The following ARHGAP42 variants were observed in gnomAD, a reference collection of about 807,000 sequenced individuals.
The protein encoded by ARHGAP42 is Rho GTPase activating protein 42.
ARHGAP42 carries 63 observed loss-of-function variants against 125.0 expected under a neutral mutation model. The observed-to-expected ratio is 0.50, with a 90% CI of 0.41 to 0.62. The LOEUF (loss-of-function observed/expected upper bound fraction) is 0.62. Ranked by LOEUF, ARHGAP42 falls within the 20% of genes least tolerant of loss-of-function variation. The pLI, the probability that ARHGAP42 is intolerant of heterozygous loss-of-function variation, is 0.00. For synonymous variants in ARHGAP42, 339 were observed against 351.0 expected (o/e 0.97, Z 0.38); for missense variants, 766 against 1,024.2 (o/e 0.75, Z 3.44).
intron 6 of ARHGAP42, among the ~76,000 whole-genome samples, chr11:100,922,565 C>G (rs1867309181): frequency 6.6e-6 from 1 of 152,058 alleles, no homozygotes; most frequent in South Asian, 2.1e-4. Flanking sequence ...CTAATCTAAG[C>G]CATTCTTTTC....
At chr11:100,860,502 T>C (rs1406409797) in intron 4 of ARHGAP42, among the ~76,000 whole-genome samples, 1 of 152,096 alleles carries the variant, frequency 6.6e-6, no homozygotes, top group Non-Finnish European at 1.5e-5. Flanking sequence ...TTCCACAACT[T>C]GGAATTTTGA....
intron 3 of ARHGAP42, among the ~76,000 whole-genome samples, chr11:100,819,927 C>T (rs1291770171): frequency 6.6e-6 from 1 of 152,128 alleles, no homozygotes; most frequent in Non-Finnish European, 1.5e-5. Flanking sequence ...ATTTCTTTTT[C>T]ATCATTGGCA....
chr11:100,962,651 C>T (rs1375399202), intron 16 of ARHGAP42, among the ~76,000 whole-genome samples, 184 bp downstream of exon 16: 2 of 151,976 alleles, frequency 1.3e-5, no homozygotes, highest in Non-Finnish European at 2.9e-5. Flanking sequence ...CCAAGGCTGG[C>T]GGATCACCTG....
At chr11:100,802,002 G>T (rs945836185) in intron 3 of ARHGAP42, among the ~76,000 whole-genome samples, 4 of 152,156 alleles carry the variant, frequency 2.6e-5, no homozygotes, top group Admixed American at 2.0e-4. Flanking sequence ...ATAAAATGCA[G>T]CACTTAAATG....
rs188336383 is a variant in ARHGAP42, at chr11:100,814,312, G to A, written c.312+19146G>A. 9.7e-3 allele frequency among the ~76,000 whole-genome samples: 1,434 copies of A among 147,574 alleles called. 11 individuals carry two copies. Among genetic ancestry groups the A allele is most frequent in the Non-Finnish European group, 0.016 (1,084 of 67,458 alleles). On this transcript the variant is annotated intron_variant, in intron 3 of 23. Coordinates refer to ENST00000298815, the MANE Select transcript of ARHGAP42 (RefSeq NM_152432.4). ...GCAGAGGTTGCAGTGAGCCAAGATC[G>A]AGATCACACCACTGCACTCCAACCT...
At chr11:100,957,568 A>G (rs1043566515) in intron 12 of ARHGAP42, among the ~76,000 whole-genome samples, 1 of 152,146 alleles carries the variant, frequency 6.6e-6, no homozygotes, top group African/African-American at 2.4e-5. Flanking sequence ...CTACTCTTTC[A>G]GTCAAAGCAA....
intron 1 of ARHGAP42, among the ~76,000 whole-genome samples, chr11:100,737,056 C>G (rs1349068218): frequency 6.6e-6 from 1 of 152,064 alleles, no homozygotes; most frequent in African/African-American, 2.4e-5. Context: ...GATAACTATT[C>G]TATGTTAAAA....
intron 4 of ARHGAP42, among the ~76,000 whole-genome samples, chr11:100,871,780 G>A (rs971121761): frequency 6.6e-6 from 1 of 152,108 alleles, no homozygotes; most frequent in East Asian, 1.9e-4. Context: ...TTTCACTCTT[G>A]TTGCCCAGGC....
At chr11:100,690,105 A>G (rs1353828538) in intron 1 of ARHGAP42, among the ~76,000 whole-genome samples, 1 of 152,166 alleles carries the variant, frequency 6.6e-6, no homozygotes, top group Admixed American at 6.5e-5. Context: ...TCCCTGTACC[A>G]TAAGTCTGCC....
intron 4 of ARHGAP42, among the ~76,000 whole-genome samples, chr11:100,870,209 G>A (rs590834): frequency 0.84 from 127,712 of 152,162 alleles, 54,038 homozygotes; most frequent in East Asian, 0.96. Flanking sequence ...TAAATCTGGA[G>A]GAGGGAGAAA....
intron 4 of ARHGAP42, among the ~76,000 whole-genome samples, chr11:100,880,796 G>A (rs113787830): frequency 0.012 from 1,825 of 152,248 alleles, 42 homozygotes; most frequent in African/African-American, 0.041. Flanking sequence ...ATTCTTGCAG[G>A]AGCAAAGTGA....
intron 1 of ARHGAP42, among the ~76,000 whole-genome samples, chr11:100,703,401 A>G (rs1388384838): frequency 6.6e-6 from 1 of 151,866 alleles, no homozygotes; most frequent in African/African-American, 2.4e-5. Flanking sequence ...TTTTTTTTTC[A>G]CTTGCTCTTG....
At chr11:100,868,899 C>G (rs563630323) in intron 4 of ARHGAP42, among the ~76,000 whole-genome samples, 219 of 152,206 alleles carry the variant, frequency 1.4e-3, no homozygotes, top group Non-Finnish European at 2.5e-3. Context: ...GTTTCTTCCA[C>G]ATAGTAAGTA....
chr11:100,690,801 C>T (rs758229979), intron 1 of ARHGAP42, among the ~76,000 whole-genome samples: 3 of 151,926 alleles, frequency 2.0e-5, no homozygotes, highest in Non-Finnish European at 4.4e-5. Context: ...GGGGTTTCAC[C>T]GTGTTAGCCA....
intron 12 of ARHGAP42, among the ~76,000 whole-genome samples, chr11:100,956,617 G>A (rs1045748999): frequency 5.3e-5 from 8 of 151,998 alleles, no homozygotes; most frequent in Admixed American, 5.3e-4. Flanking sequence ...CTTGCAGGGA[G>A]GGACAACAGA....
chr11:100,725,934 C>CAAAA (rs57899188), intron 1 of ARHGAP42, among the ~76,000 whole-genome samples: 29 of 99,246 alleles, frequency 2.9e-4, no homozygotes, highest in South Asian at 7.7e-4. Context: ...GACTCCGTCT[C>CAAAA]AAAAAAAAAA....
chr11:100,822,105 T>C (rs1029439798), intron 3 of ARHGAP42, among the ~76,000 whole-genome samples: 2 of 152,142 alleles, frequency 1.3e-5, no homozygotes, highest in African/African-American at 4.8e-5. Flanking sequence ...AAGATCTCTA[T>C]AGGGTGGCAT....
chr11:100,862,539 A>G (rs1865469284), intron 4 of ARHGAP42, among the ~76,000 whole-genome samples: 1 of 152,234 alleles, frequency 6.6e-6, no homozygotes, highest in South Asian at 2.1e-4. Context: ...AACACCCGAC[A>G]GTATACTATG....
rs1212838361 is a variant in ARHGAP42 at position 100,859,574 on chromosome 11, A to T, written c.333A>T (p.Val111=). 6 of 1,522,376 alleles carry T rather than the reference A, an allele frequency of 3.9e-6. No homozygotes were observed. Among genetic ancestry groups the T allele is most frequent in the Non-Finnish European group, 5.3e-6 (6 of 1,136,192 alleles). The allele number at this position is 1,522,376 out of a possible 1,614,324, so 94.3% of individuals were successfully genotyped here. A position where few individuals can be genotyped will look rare whatever the true frequency, so the allele number is the denominator to read the frequency against. ...RRRLIQNAND[V]LIAPLEKFRK... ...TTCAGATCCAAAACGCTAACGATGT[A>T]TTAATTGCACCACTTGAGAAATTTC... The change falls in exon 4 of 24, where the codon GTA becomes GTT. Residue 111 remains valine (V), a synonymous_variant. Coordinates refer to ENST00000298815, the MANE Select transcript of ARHGAP42 (RefSeq NM_152432.4).
Sources: gnomAD v4.1 joint callset for allele counts (sites outside exome capture counted in the v4.1 genomes callset) on GRCh38, gnomAD v4.1.1 for gene constraint, MANE v1.5 for transcripts, NCBI Gene and HGNC (gene_info 2026-07-23, HGNC 2026-07-21) for gene names.